The following FAP variants were observed in gnomAD, a reference collection of about 807,000 sequenced individuals.
FAP encodes prolyl endopeptidase FAP.
Under a neutral mutation model 126.5 loss-of-function variants are expected in FAP, and 110 were observed. The ratio of observed to expected loss-of-function variants is 0.87; its 90% confidence interval spans 0.74 to 1.02. The LOEUF (loss-of-function observed/expected upper bound fraction) is 1.02, where lower values mean the gene tolerates loss of function less well. FAP is among the 50% of genes least tolerant of loss of function. The probability of loss-of-function intolerance (pLI) is 0.00; values close to 1 mark genes in which losing one functional copy is unlikely to be tolerated. For missense variants in FAP, 919 were observed against 909.2 expected (o/e 1.01, Z -0.14); for synonymous variants, 334 against 297.3 (o/e 1.12, Z -1.27).
chr2:162,200,094 T>G (rs1400100117), intron 15 of FAP, among the ~76,000 whole-genome samples: 3 of 152,234 alleles, frequency 2.0e-5, no homozygotes, highest in Non-Finnish European at 4.4e-5. Context: ...CAGAAAGGGC[T>G]GTCGAGGGCA....
intron 16 of FAP, 178 bp downstream of exon 16, chr2:162,198,579 A>G (rs924383382): frequency 3.3e-6 from 3 of 898,892 alleles, no homozygotes; most frequent in Non-Finnish European, 4.9e-6. Flanking sequence ...AGTTGCAAAA[A>G]AGTAAAGATA....
chr2:162,231,086 T>C (rs527894116), intron 2 of FAP, among the ~76,000 whole-genome samples: 1 of 152,298 alleles, frequency 6.6e-6, no homozygotes, highest in Non-Finnish European at 1.5e-5. Flanking sequence ...TCTTTAAGTA[T>C]ATTCCCTTTC....
intron 4 of FAP, among the ~76,000 whole-genome samples, chr2:162,225,208 T>G (rs1333780892): frequency 6.6e-6 from 1 of 152,178 alleles, no homozygotes; most frequent in East Asian, 1.9e-4. Context: ...GAGCCAGGAT[T>G]TGAACCTCAA....
intron 2 of FAP, among the ~76,000 whole-genome samples, chr2:162,228,554 A>G (rs2106291045): frequency 6.6e-6 from 1 of 152,314 alleles, no homozygotes; most frequent in East Asian, 1.9e-4. Context: ...GGCTGTAAGA[A>G]TAGTGGCTGG....
At chr2:162,179,939 G>A (rs1018381539) in intron 21 of FAP, among the ~76,000 whole-genome samples, 6 of 151,728 alleles carry the variant, frequency 4.0e-5, no homozygotes, top group African/African-American at 1.2e-4. Flanking sequence ...TTCCTGAGTA[G>A]CTGGGATTAC....
intron 1 of FAP, 25 bp from the exon 2 acceptor site, chr2:162,243,017 C>G: frequency 6.4e-7 from 1 of 1,566,822 alleles, no homozygotes; most frequent in Middle Eastern, 1.7e-4. Context: ...GAGAATTAGG[C>G]ATACACACAG....
intron 2 of FAP, among the ~76,000 whole-genome samples, chr2:162,242,594 ATGT>A (rs1246112648): frequency 6.6e-6 from 1 of 152,126 alleles, no homozygotes; most frequent in Non-Finnish European, 1.5e-5. Context: ...TTAGTTAAAA[ATGT>A]TGTTTCTAAA....
Position 162,219,098 on chromosome 2 carries a change from TTATTTTCTCTTCCATTAAA to T in FAP, c.553_571del (p.Phe185LysfsTer58). On this transcript the variant is annotated frameshift_variant, in exon 8 of 26. Transcript: ENST00000188790. LOFTEE classifies it high-confidence loss of function. The stretch of plus-strand genomic sequence containing the variant: ...CCAGTCTGGGATTCCATTAAATATT[TTATTTTCTCTTCCATTAAA>T]TGTTATTTGAAAAGGTGGATCTCCT... 1 of 1,605,988 alleles carries T rather than the reference TTATTTTCTCTTCCATTAAA, an allele frequency of 6.2e-7. No homozygotes were observed. The highest frequency in any genetic ancestry group is 8.5e-7 in the Non-Finnish European group (1 of 1,175,178).
At chr2:162,232,153 G>GA (rs944772490) in intron 2 of FAP, among the ~76,000 whole-genome samples, 4 of 150,484 alleles carry the variant, frequency 2.7e-5, no homozygotes, top group Admixed American at 6.6e-5. Context: ...TGACAACTCT[G>GA]AAAAAAAAAG....
At chr2:162,231,516 G>T (rs1033277765) in intron 2 of FAP, among the ~76,000 whole-genome samples, 1 of 152,120 alleles carries the variant, frequency 6.6e-6, no homozygotes, top group Admixed American at 6.5e-5. Context: ...TTTTGCCAGT[G>T]CCCTTAACTT....
In FAP at chr2:162,210,101, C is replaced by T. The variant is rs1039522097; in HGVS notation, c.1003-105G>A. The T allele has an allele frequency of 5.4e-5, 47 of 868,090 alleles. 1 individual carries two copies. The highest frequency in any genetic ancestry group is 3.1e-4 in the South Asian group (20 of 65,180). 53.8% of individuals were successfully genotyped at this position (868,090 alleles called of 1,614,324 possible). On this transcript the variant is annotated intron_variant, in intron 11 of 25. Coordinates refer to ENST00000188790, the MANE Select transcript of FAP (RefSeq NM_004460.5). ...GTTAAGCTGCCTGATCAGAGTATAC[C>T]ATTACTAGTCAACTAACTTCAAATT...
intron 16 of FAP, chr2:162,197,456 TA>T (rs1688297861): frequency 2.3e-6 from 1 of 426,968 alleles, no homozygotes; most frequent in Non-Finnish European, 4.7e-6. Context: ...ATTTAATGTA[TA>T]CCTTTAAATG....
At chr2:162,180,028 C>T (rs6724537) in intron 21 of FAP, among the ~76,000 whole-genome samples, 4,130 of 151,828 alleles carry the variant, frequency 0.027, 336 homozygotes, top group Admixed American at 0.19. Flanking sequence ...AGGCTGGTCT[C>T]GAACTCCTGA....
chr2:162,199,296 C>A (rs1283851272), intron 15 of FAP, among the ~76,000 whole-genome samples: 1 of 152,164 alleles, frequency 6.6e-6, no homozygotes, highest in African/African-American at 2.4e-5. Flanking sequence ...AAGAAAGAGT[C>A]CCTGTTCTTA....
intron 14 of FAP, 94 bp from the exon 15 acceptor site, chr2:162,200,713 A>G: frequency 3.5e-6 from 2 of 572,962 alleles, no homozygotes; most frequent in Non-Finnish European, 6.1e-6. Flanking sequence ...ATAGGTAAGC[A>G]TTTATCTAAT....
At chr2:162,200,103 C>T (rs1397423621) in intron 15 of FAP, among the ~76,000 whole-genome samples, 1 of 152,192 alleles carries the variant, frequency 6.6e-6, no homozygotes, top group Non-Finnish European at 1.5e-5. Context: ...CTGTCGAGGG[C>T]ACCATTTCAG....
chr2:162,179,803 TATATATATA>T lies in FAP; in HGVS notation c.1869+3602_1869+3610del, dbSNP rs1157840746. ...CTATCTATCTATCTATATATATATA[TATATATATA>T]TTTTTTTTTTTTTTGAGATGGAGTC... On this transcript the variant is annotated intron_variant, in intron 21 of 25. Transcript: ENST00000188790. Among the ~76,000 whole-genome samples, 38 of 140,592 alleles carry T rather than the reference TATATATATA, an allele frequency of 2.7e-4. No homozygotes were observed. The East Asian group carries it at 6.5e-3, about 24-fold the overall frequency. 92.2% of individuals were successfully genotyped at this position (140,592 alleles called of 152,430 possible).
chr2:162,198,848 C>G lies in FAP; in HGVS notation c.1311G>C (p.Lys437Asn). 1 of 1,613,380 alleles carries G rather than the reference C, an allele frequency of 6.2e-7. No homozygotes were observed. Among genetic ancestry groups the G allele is most frequent in the Non-Finnish European group, 8.5e-7 (1 of 1,179,352 alleles). The change falls in exon 16 of 26, where the codon AAG becomes AAC. Residue 437 changes from lysine (K) to asparagine (N), a missense_variant. Coordinates refer to ENST00000188790, the MANE Select transcript of FAP (RefSeq NM_004460.5). ...ISIGSYPPSKKCVTCHLRKER... is the reference protein window; with the variant it reads ...ISIGSYPPSKNCVTCHLRKER... ...CTTTCCTTAGATGGCAAGTAACACA[C>G]TTCTTGCTTGGAGGATAGCTTCCAA...
chr2:162,235,752 G>A (rs983857737), intron 2 of FAP, among the ~76,000 whole-genome samples: 2 of 152,102 alleles, frequency 1.3e-5, no homozygotes, highest in Non-Finnish European at 2.9e-5. Flanking sequence ...TCCACACTGT[G>A]GAAGTCTTGT....
Sources: gnomAD v4.1 joint callset for allele counts (sites outside exome capture counted in the v4.1 genomes callset) on GRCh38, gnomAD v4.1.1 for gene constraint, MANE v1.5 for transcripts, NCBI Gene and HGNC (gene_info 2026-07-23, HGNC 2026-07-21) for gene names.